DSCAML1: variants seen among roughly 807,000 people sequenced by gnomAD.
DSCAML1 encodes DS cell adhesion molecule like 1, also known as cell adhesion molecule DSCAML1.
In DSCAML1, 38 loss-of-function variants were observed where a neutral mutation model predicts 200.5. The ratio of observed to expected loss-of-function variants is 0.19; its 90% CI spans 0.15 to 0.25. The LOEUF (loss-of-function observed/expected upper bound fraction) is 0.25. Ranked by LOEUF, DSCAML1 falls within the 10% of genes least tolerant of loss-of-function variation. DSCAML1 has a pLI of 1.00. For synonymous variants in DSCAML1, 1,215 were observed against 1,165.0 expected, an observed-to-expected ratio of 1.04 and a Z score of -0.87; for missense variants, 2,223 against 2,858.8, an observed-to-expected ratio of 0.78 and a Z score of 5.07.
intron 3 of DSCAML1, among the ~76,000 whole-genome samples, chr11:117,761,268 A>G (rs1238368028): frequency 6.6e-6 from 1 of 152,078 alleles, no homozygotes; most frequent in Non-Finnish European, 1.5e-5. Context: ...GAGGCCTCAC[A>G]CATGGACACC....
intron 4 of DSCAML1, among the ~76,000 whole-genome samples, chr11:117,528,394 T>C (rs1205058581): frequency 6.6e-6 from 1 of 152,208 alleles, no homozygotes; most frequent in Non-Finnish European, 1.5e-5. Flanking sequence ...CTTCCATTAC[T>C]CCAGAGCAGA....
rs147591517 is a variant in DSCAML1 at position 117,521,218 on chromosome 11, C to T, written c.1125G>A (p.Ser375=). The change falls in exon 6 of 33, where the codon TCG becomes TCA. Residue 375 remains serine, a synonymous_variant. Coordinates refer to ENST00000651296, the MANE Select transcript of DSCAML1 (RefSeq NM_020693.4). The stretch of plus-strand genomic sequence containing the variant: ...AGGCCCCGGAATGGCTCTTCTGGGC[C>T]GAGGTGATGAGCAGCGTCTCGTTGC... ...GLSNETLLIT[S]AQKSHSGAYQ... 1.4e-4 allele frequency: 221 copies of T among 1,614,128 alleles called. No homozygotes were observed. Among genetic ancestry groups the T allele is most frequent in the Middle Eastern group, 1.6e-4 (1 of 6,062 alleles).
intron 3 of DSCAML1, among the ~76,000 whole-genome samples, chr11:117,720,421 G>A (rs972159519): frequency 1.1e-4 from 17 of 152,130 alleles, no homozygotes; most frequent in African/African-American, 4.1e-4. Flanking sequence ...GGGCTGGGAG[G>A]GGAGGGAGCC....
At chr11:117,694,722 A>G (rs1049030595) in intron 3 of DSCAML1, among the ~76,000 whole-genome samples, 2 of 152,206 alleles carry the variant, frequency 1.3e-5, no homozygotes, top group African/African-American at 2.4e-5. Flanking sequence ...TTAGATGAGA[A>G]CCCAGGGGAA....
chr11:117,689,852 T>C (rs1353714975), intron 3 of DSCAML1, among the ~76,000 whole-genome samples: 1 of 152,218 alleles, frequency 6.6e-6, no homozygotes, highest in East Asian at 1.9e-4. Flanking sequence ...TGCATAATGT[T>C]GCTCAGACAA....
At chr11:117,676,787 C>T (rs1033362812) in intron 3 of DSCAML1, among the ~76,000 whole-genome samples, 1 of 152,196 alleles carries the variant, frequency 6.6e-6, no homozygotes, top group Non-Finnish European at 1.5e-5. Context: ...CTGGGAGCTG[C>T]GGGCTCCCAG....
chr11:117,470,347 G>A (rs1162421186), intron 15 of DSCAML1, among the ~76,000 whole-genome samples: 8 of 152,180 alleles, frequency 5.3e-5, no homozygotes, highest in South Asian at 2.1e-4. Flanking sequence ...AGGCCAAGGC[G>A]GGCGGATCAC....
chr11:117,735,266 T>A (rs1006086172), intron 3 of DSCAML1, among the ~76,000 whole-genome samples: 1 of 152,178 alleles, frequency 6.6e-6, no homozygotes, highest in Non-Finnish European at 1.5e-5. Flanking sequence ...CCAAAGAGTG[T>A]GTCTACGGCC....
intron 3 of DSCAML1, among the ~76,000 whole-genome samples, chr11:117,585,764 AGAG>A (rs2051129368): frequency 6.6e-6 from 1 of 152,114 alleles, no homozygotes. Context: ...GGGAGCACAG[AGAG>A]GAGGAGTCGC....
At chr11:117,710,799 A>G (rs565130720) in intron 3 of DSCAML1, among the ~76,000 whole-genome samples, 84 of 152,322 alleles carry the variant, frequency 5.5e-4, no homozygotes, top group African/African-American at 2.0e-3. Context: ...TGTGGACAAT[A>G]CCATAAATAT....
At chr11:117,740,607 C>A (rs1043247039) in intron 3 of DSCAML1, among the ~76,000 whole-genome samples, 1 of 152,180 alleles carries the variant, frequency 6.6e-6, no homozygotes, top group Non-Finnish European at 1.5e-5. Flanking sequence ...ATGCTGTCAA[C>A]CCCCTGGCAA....
intron 7 of DSCAML1, among the ~76,000 whole-genome samples, chr11:117,517,539 A>T (rs2049796512): frequency 6.6e-6 from 1 of 152,116 alleles, no homozygotes; most frequent in South Asian, 2.1e-4. Context: ...CCCTTCCAAT[A>T]CAGAGGAGAG....
At chr11:117,670,004 A>G (rs943422865) in intron 3 of DSCAML1, among the ~76,000 whole-genome samples, 1 of 152,244 alleles carries the variant, frequency 6.6e-6, no homozygotes, top group African/African-American at 2.4e-5. Context: ...TTTTAAAGGA[A>G]GGAAACTTTC....
chr11:117,529,704 G>C (rs1008092413), intron 4 of DSCAML1, among the ~76,000 whole-genome samples: 10 of 151,946 alleles, frequency 6.6e-5, no homozygotes, highest in African/African-American at 9.7e-5. Context: ...AGCCCCAGGA[G>C]CTCTCGGGGG....
Position 117,480,665 on chromosome 11 carries a change from G to T in DSCAML1, c.2657-94C>A. ...TGAGGATTGGCATCACCTGGGTCTA[G>T]CCAAGGACTCTGGCACCCTAGGGTT... On this transcript the variant is annotated intron_variant, in intron 13 of 32. Transcript: ENST00000651296. This position sits in a 1 kb window ranked among gnomAD's most constrained non-coding sequence, Gnocchi z 4.1. 6.9e-7 allele frequency: 1 copy of T among 1,451,372 alleles called. No homozygotes were observed. The allele number at this position is 1,451,372 out of a possible 1,614,324, so 89.9% of individuals were successfully genotyped here.
intron 2 of DSCAML1, among the ~76,000 whole-genome samples, chr11:117,778,908 C>A (rs917512526): frequency 1.3e-5 from 2 of 152,222 alleles, no homozygotes; most frequent in African/African-American, 4.8e-5. Flanking sequence ...AGGGAGAAAC[C>A]CTGAGCATAT....
At chr11:117,598,706 G>C (rs1224646309) in intron 3 of DSCAML1, among the ~76,000 whole-genome samples, 2 of 152,186 alleles carry the variant, frequency 1.3e-5, no homozygotes, top group Non-Finnish European at 1.5e-5. Flanking sequence ...GGGGTTGAAG[G>C]AGGGGAAAAA....
chr11:117,503,470 C>T lies in DSCAML1; in HGVS notation c.2359+375G>A, dbSNP rs965352205. On this transcript the variant is annotated intron_variant, in intron 11 of 32. Coordinates refer to ENST00000651296, the MANE Select transcript of DSCAML1 (RefSeq NM_020693.4). This position sits in a 1 kb window ranked among gnomAD's most constrained non-coding sequence, Gnocchi z 5.2. Reference sequence around the variant, plus strand: ...ATATGCTATTTTCCTTTCTAAGCCACAAGCAGGTTGTACACAAGCAAGTGT... The same window carrying T: ...ATATGCTATTTTCCTTTCTAAGCCATAAGCAGGTTGTACACAAGCAAGTGT... Among the ~76,000 whole-genome samples, 1 of 152,192 alleles carries T rather than the reference C, an allele frequency of 6.6e-6. No homozygotes were observed. Among genetic ancestry groups the T allele is most frequent in the Non-Finnish European group, 1.5e-5 (1 of 68,038 alleles).
chr11:117,780,141 AAGAG>A lies in DSCAML1; in HGVS notation c.364+348_364+351del, dbSNP rs763844992. ...GGCTCTGTCTCAAAAAGCAAAAAGA[AAGAG>A]AGAGAGAGAGAGAGAAAGAAAGAAA... On this transcript the variant is annotated intron_variant, in intron 2 of 32. Transcript: ENST00000651296. The surrounding 1 kb of genome is among the most constrained non-coding windows in gnomAD (Gnocchi z 4.8). Among the ~76,000 whole-genome samples the A allele has an allele frequency of 1.5e-3, 226 of 147,438 alleles. 2 individuals carry two copies. Among genetic ancestry groups the A allele is most frequent in the Non-Finnish European group, 2.1e-3 (141 of 67,010 alleles).
Sources: allele counts gnomAD v4.1 joint callset (sites outside exome capture counted in the v4.1 genomes callset), GRCh38; gene constraint gnomAD v4.1.1; non-coding constraint Gnocchi (gnomAD v3.1); transcripts MANE v1.5; gene names NCBI Gene and HGNC (gene_info 2026-07-23, HGNC 2026-07-21).